The following KCNMA1 variants were observed in gnomAD, a reference collection of about 807,000 sequenced individuals.
KCNMA1 encodes the protein Calcium-activated potassium channel subunit alpha-1.
A neutral mutation model predicts 140.0 loss-of-function variants in KCNMA1; 29 were observed. The ratio of observed to expected loss-of-function variants is 0.21; its 90% CI spans 0.15 to 0.28. The LOEUF (loss-of-function observed/expected upper bound fraction) is 0.28, where lower values mean the gene tolerates loss of function less well. Among genes scored for constraint, KCNMA1 ranks in the 10% least tolerant of loss-of-function variants. KCNMA1 has a pLI of 1.00. For synonymous variants in KCNMA1, 612 were observed against 611.9 expected (o/e 1.00, Z 0.00); for missense variants, 880 against 1,602.2 (o/e 0.55, Z 7.70).
chr10:77,633,143 C>A (rs192895311), intron 1 of KCNMA1, among the ~76,000 whole-genome samples: 3 of 152,252 alleles, frequency 2.0e-5, no homozygotes, highest in African/African-American at 7.2e-5. Context: ...GGTGAAACCC[C>A]GTCTCTACTT....
chr10:77,545,018 G>T (rs567234084), intron 1 of KCNMA1, among the ~76,000 whole-genome samples: 1 of 152,054 alleles, frequency 6.6e-6, no homozygotes, highest in Non-Finnish European at 1.5e-5. Context: ...AAAATGTACC[G>T]AGAAGAGAGC....
At chr10:77,508,472 C>T (rs1223771032) in intron 1 of KCNMA1, among the ~76,000 whole-genome samples, 2 of 151,724 alleles carry the variant, frequency 1.3e-5, no homozygotes, top group Admixed American at 6.6e-5. Context: ...GGCGCGAGTC[C>T]CCCCACTCAG....
intron 1 of KCNMA1, among the ~76,000 whole-genome samples, chr10:77,617,551 C>T (rs574655602): frequency 6.6e-6 from 1 of 152,180 alleles, no homozygotes; most frequent in Non-Finnish European, 1.5e-5. Context: ...GAGCTGAAGG[C>T]ACTCCAGAGC....
At chr10:77,249,519 G>C (rs1004587752) in intron 3 of KCNMA1, 13 of 152,170 alleles carry the variant, frequency 8.5e-5, no homozygotes, top group African/African-American at 2.9e-4. Context: ...AGGGAAGGAA[G>C]GTGCTGGCTG....
chr10:76,922,282 C>G (rs1306508673), intron 23 of KCNMA1, among the ~76,000 whole-genome samples: 1 of 152,202 alleles, frequency 6.6e-6, no homozygotes, highest in Non-Finnish European at 1.5e-5. Flanking sequence ...GTTATTATAT[C>G]CAAGGTCACA....
Position 77,090,428 on chromosome 10 carries a change from C to T in KCNMA1, c.1306G>A (p.Val436Ile), listed in dbSNP as rs762346849. ...TGAAGAAAAACGATCTCCACATTGA[C>T]GTCATCCCGGTCCTTGTGCAGAAAG... The part of the protein sequence containing the change: ...KDFLHKDRDD[V>I]NVEIVFLHNI... The change falls in exon 10 of 28, where the codon GTC (valine) becomes ATC (isoleucine). Residue 436 changes from valine (V) to isoleucine (I), a missense_variant. Coordinates refer to ENST00000286628, the MANE Select transcript of KCNMA1 (RefSeq NM_001161352.2). The T allele has an allele frequency of 2.0e-5, 32 of 1,613,526 alleles. 1 individual carries two copies. Among genetic ancestry groups the T allele is most frequent in the South Asian group, 4.4e-5 (4 of 91,062 alleles).
chr10:77,027,631 A>G (rs1370338093), intron 16 of KCNMA1, among the ~76,000 whole-genome samples, 192 bp downstream of exon 16: 2 of 152,214 alleles, frequency 1.3e-5, no homozygotes, highest in Non-Finnish European at 2.9e-5. Context: ...TTTGGGTGCC[A>G]GGCTGGTCTG....
chr10:77,499,882 A>G (rs772774821), intron 1 of KCNMA1, among the ~76,000 whole-genome samples: 1 of 152,164 alleles, frequency 6.6e-6, no homozygotes, highest in Non-Finnish European at 1.5e-5. Flanking sequence ...TGTGAAAAAT[A>G]TAATAATAAT....
intron 20 of KCNMA1, among the ~76,000 whole-genome samples, chr10:76,964,695 T>C (rs1238898733): frequency 6.6e-5 from 10 of 152,194 alleles, no homozygotes; most frequent in South Asian, 4.1e-4. Flanking sequence ...AAATCTTTCA[T>C]GCTAGCAGGC....
chr10:77,251,393 C>A (rs1288489193), intron 2 of KCNMA1, 137 bp from the exon 3 acceptor site: 5 of 720,006 alleles, frequency 6.9e-6, no homozygotes, highest in Non-Finnish European at 1.3e-5. Flanking sequence ...CACCCTCATC[C>A]CCAGCCCCCC....
chr10:77,021,801 G>A (rs1244599357), intron 16 of KCNMA1, among the ~76,000 whole-genome samples: 2 of 152,144 alleles, frequency 1.3e-5, no homozygotes, highest in African/African-American at 4.8e-5. Context: ...CTAAGCTAAG[G>A]CTAAGGCAGC....
chr10:77,029,994 A>T (rs2093799576), intron 15 of KCNMA1, among the ~76,000 whole-genome samples: 1 of 152,222 alleles, frequency 6.6e-6, no homozygotes, highest in African/African-American at 2.4e-5. Context: ...ACATAATCAG[A>T]TGTGCTGGAT....
chr10:77,100,811 C>T (rs1393850533), intron 9 of KCNMA1, among the ~76,000 whole-genome samples: 1 of 152,124 alleles, frequency 6.6e-6, no homozygotes, highest in African/African-American at 2.4e-5. Flanking sequence ...AGCCATTGAT[C>T]AGAATCTTCA....
chr10:77,433,455 A>C (rs2097192995), intron 1 of KCNMA1: 2 of 152,180 alleles, frequency 1.3e-5, no homozygotes, highest in African/African-American at 4.8e-5. Flanking sequence ...GCCCAGCCTT[A>C]AGAAAAACTA....
chr10:77,437,733 A>T (rs557925306), intron 1 of KCNMA1, among the ~76,000 whole-genome samples: 1 of 152,310 alleles, frequency 6.6e-6, no homozygotes, highest in South Asian at 2.1e-4. Flanking sequence ...AGGCCACAAC[A>T]TACAGAGGCA....
At position 77,554,833 on chromosome 10, in the gene KCNMA1, G is replaced by A. The variant is rs1234995916; in HGVS notation, c.378+82432C>T. On this transcript the variant is annotated intron_variant, in intron 1 of 27. Coordinates refer to ENST00000286628, the MANE Select transcript of KCNMA1 (RefSeq NM_001161352.2). Reference sequence around the variant, plus strand: ...CTCTCGGGCACAGTCAACCATTACGGCCCATTTTCTCAAACTAGGCCCTCC... The same window carrying A: ...CTCTCGGGCACAGTCAACCATTACGACCCATTTTCTCAAACTAGGCCCTCC... 2.6e-5 allele frequency among the ~76,000 whole-genome samples: 4 copies of A among 152,020 alleles called. No homozygotes were observed. The East Asian group carries it at 7.7e-4, about 29-fold the overall frequency.
intron 14 of KCNMA1, among the ~76,000 whole-genome samples, chr10:77,068,841 A>G (rs2096066659): frequency 7.1e-6 from 1 of 140,818 alleles, no homozygotes; most frequent in Admixed American, 7.3e-5. Context: ...TTAAGAGTTA[A>G]TCACCCTCTA....
chr10:76,875,509 C>T (rs1436347896), downstream of KCNMA1: 1 of 151,960 alleles, frequency 6.6e-6, no homozygotes, highest in Non-Finnish European at 1.5e-5. Flanking sequence ...TCCAGATTGC[C>T]TTGTTAGGGG....
intron 5 of KCNMA1, chr10:77,150,024 A>C (rs1471394406): frequency 2.0e-5 from 3 of 152,176 alleles, no homozygotes; most frequent in Non-Finnish European, 2.9e-5. Flanking sequence ...AAAACTCCAG[A>C]AGTTGGTCTC....
Sources: gnomAD v4.1 joint callset for allele counts (sites outside exome capture counted in the v4.1 genomes callset) on GRCh38, gnomAD v4.1.1 for gene constraint, MANE v1.5 for transcripts, NCBI Gene and HGNC (gene_info 2026-07-23, HGNC 2026-07-21) for gene names.